Variants in ALB observed in about 807,000 individuals in gnomAD.
The protein encoded by ALB is albumin.
In ALB, 37 loss-of-function variants were observed where a neutral mutation model predicts 74.5. The observed-to-expected ratio is 0.50, with a 90% CI of 0.38 to 0.65. The LOEUF (loss-of-function observed/expected upper bound fraction) is 0.65. Among genes scored for constraint, ALB ranks in the 30% least tolerant of loss-of-function variants. The pLI is 0.00. For synonymous variants in ALB, 249 were observed against 251.6 expected (o/e 0.99, Z 0.10); for missense variants, 685 against 718.7 (o/e 0.95, Z 0.54).
At chr4:73,419,778 C>T in intron 13 of ALB, 139 bp downstream of exon 13, 1 of 1,100,264 alleles carries the variant, frequency 9.1e-7, no homozygotes, top group Non-Finnish European at 1.3e-6. Context: ...AATTGTCTTA[C>T]AAAATGAATA....
At chr4:73,419,780 A>C in intron 13 of ALB, 141 bp downstream of exon 13, 2 of 1,084,098 alleles carry the variant, frequency 1.8e-6, no homozygotes, top group Non-Finnish European at 2.7e-6. Flanking sequence ...TTGTCTTACA[A>C]AATGAATAAA....
chr4:73,415,009 G>A, intron 8 of ALB, 26 bp from the exon 9 acceptor site: 2 of 1,612,650 alleles, frequency 1.2e-6, no homozygotes, highest in Non-Finnish European at 1.7e-6. Flanking sequence ...GTCCAACAAA[G>A]TCTATTTTAT....
At chr4:73,404,598 A>T (rs1424655550) in intron 1 of ALB, among the ~76,000 whole-genome samples, 192 bp downstream of exon 1, 1 of 151,914 alleles carries the variant, frequency 6.6e-6, no homozygotes, top group East Asian at 1.9e-4. Context: ...AAAAAAAAAA[A>T]GGTCAGAATT....
At chr4:73,405,276 C>A in intron 2 of ALB, 103 bp downstream of exon 2, 1 of 1,011,450 alleles carries the variant, frequency 9.9e-7, no homozygotes, top group Non-Finnish European at 1.5e-6. Flanking sequence ...GATTCTAAAA[C>A]AGTGCTGCCT....
intron 6 of ALB, among the ~76,000 whole-genome samples, chr4:73,411,391 G>C (rs981931442): frequency 2.0e-5 from 3 of 152,164 alleles, no homozygotes; most frequent in African/African-American, 7.2e-5. Flanking sequence ...AGAGTTTGAA[G>C]ATAGTGCTGG....
chr4:73,417,775 ATGTTTGTG>A, intron 11 of ALB, 106 bp downstream of exon 11: 2 of 1,089,998 alleles, frequency 1.8e-6, no homozygotes, highest in Non-Finnish European at 2.6e-6. Context: ...GTGTGTGTGC[ATGTTTGTG>A]TGCATGTGTG....
intron 12 of ALB, chr4:73,419,292 A>G (rs2149329925): frequency 3.5e-6 from 2 of 567,516 alleles, no homozygotes; most frequent in Middle Eastern, 9.5e-4. Flanking sequence ...TGGTCTTCCC[A>G]CCAACTCCAT....
chr4:73,414,249 C>G (rs913591432), intron 8 of ALB, among the ~76,000 whole-genome samples: 2 of 152,106 alleles, frequency 1.3e-5, no homozygotes, highest in African/African-American at 2.4e-5. Context: ...ATTATGTACC[C>G]TACAAGATTT....
In ALB at chr4:73,418,970, A is replaced by G. The variant is rs374417856; in HGVS notation, c.1653-537A>G. On this transcript the variant is annotated intron_variant, in intron 12 of 14. Transcript: ENST00000295897. ...CAGTGAAAGAGAACCAGCAGCTCCC[A>G]TGAGTTTGGATAGCCTTATTTTCTA... 2.6e-4 allele frequency among the ~76,000 whole-genome samples: 40 copies of G among 152,264 alleles called. 1 individual carries two copies. In the East Asian group the frequency reaches 6.2e-3, roughly 23 times the overall value.
At position 73,417,594 on chromosome 4, in the gene ALB, A is replaced by AAGAAACCT; in HGVS notation, c.1356_1363dup (p.Gly455GlufsTer3). Reference sequence around the variant, plus strand: ...CAACTCCAACTCTTGTAGAGGTCTCAAGAAACCTAGGAAAAGTGGGCAGCA... The same window carrying AAGAAACCT: ...CAACTCCAACTCTTGTAGAGGTCTCAAGAAACCTAGAAACCTAGGAAAAGTGGGCAGCA... On this transcript the variant is annotated frameshift_variant, in exon 11 of 15. Coordinates refer to ENST00000295897, the MANE Select transcript of ALB (RefSeq NM_000477.7). LOFTEE classifies it high-confidence loss of function. 6.2e-7 allele frequency: 1 copy of AAGAAACCT among 1,613,478 alleles called. No individual in the cohort carries two copies. Among genetic ancestry groups the AAGAAACCT allele is most frequent in the Non-Finnish European group, 8.5e-7 (1 of 1,179,444 alleles).
In ALB at chr4:73,418,288, G is replaced by C. The variant is rs2149329665; in HGVS notation, c.1629G>C (p.Lys543Asn). The stretch of plus-strand genomic sequence containing the variant: ...CAGATATATGCACACTTTCTGAGAA[G>C]GAGAGACAAATCAAGAAACAAACGT... ...FHADICTLSE[K>N]ERQIKKQTAL... Residue 543 changes from lysine (K) to asparagine (N), a missense_variant, in exon 12 of 15, where the codon AAG (lysine) becomes AAC (asparagine). By Grantham distance (94) the Lys-to-Asn change is moderately conservative (BLOSUM62 0). Coordinates refer to ENST00000295897, the MANE Select transcript of ALB (RefSeq NM_000477.7). The C allele has an allele frequency of 6.2e-7, 1 of 1,613,784 alleles. No individual in the cohort carries two copies. Among genetic ancestry groups the C allele is most frequent in the Non-Finnish European group, 8.5e-7 (1 of 1,179,876 alleles).
intron 3 of ALB, 22 bp from the exon 4 acceptor site, chr4:73,408,572 A>C (rs1164669495): frequency 6.2e-7 from 1 of 1,609,460 alleles, no homozygotes; most frequent in Non-Finnish European, 8.5e-7. Context: ...CCAGCAACTG[A>C]AACCTGCTTT....
At position 73,408,736 on chromosome 4, in the gene ALB, G is replaced by A. The variant is rs748640859; in HGVS notation, c.413G>A (p.Arg138Gln). 7 of 1,613,890 alleles carry A rather than the reference G, an allele frequency of 4.3e-6. No homozygotes were observed. Among genetic ancestry groups the A allele is most frequent in the African/African-American group, 1.3e-5 (1 of 74,912 alleles). ...QHKDDNPNLP[R>Q]LVRPEVDVMC... ...AAAGATGACAACCCAAACCTCCCCC[G>A]ATTGGTGAGACCAGAGGTTGATGTG... The change falls in exon 4 of 15, where the codon CGA (arginine) becomes CAA (glutamine). Residue 138 changes from arginine (R) to glutamine (Q), a missense_variant. Arg to Gln is a conservative substitution (Grantham distance 43). Transcript: ENST00000295897.
Position 73,419,490 on chromosome 4 carries a change from T to C in ALB, c.1653-17T>C. 3 of 1,608,206 alleles carry C rather than the reference T, an allele frequency of 1.9e-6. No individual in the cohort carries two copies. The highest frequency in any genetic ancestry group is 2.5e-6 in the Non-Finnish European group (3 of 1,178,114). The stretch of plus-strand genomic sequence containing the variant: ...GTTTTTTCTGTTTTTTTTTTTTCTT[T>C]TTCCATTCAAACTCAGTGCACTTGT... On this transcript the variant is annotated splice_polypyrimidine_tract_variant and intron_variant, in intron 12 of 14. Coordinates refer to ENST00000295897, the MANE Select transcript of ALB (RefSeq NM_000477.7).
At chr4:73,419,109 A>G (rs1442541642) in intron 12 of ALB, among the ~76,000 whole-genome samples, 2 of 152,152 alleles carry the variant, frequency 1.3e-5, no homozygotes, top group Non-Finnish European at 2.9e-5. Flanking sequence ...TTAAATTTTT[A>G]AGGATCATTT....
In ALB at chr4:73,413,459, A is replaced by G. The variant is rs774867080; in HGVS notation, c.883A>G (p.Ile295Val). ...GTATATCTGTGAAAATCAAGATTCG[A>G]TCTCCAGTAAACTGAAGGAATGCTG... ...AKYICENQDSISSKLKECCEK... is the reference protein window; with the variant it reads ...AKYICENQDSVSSKLKECCEK... Residue 295 changes from isoleucine to valine, a missense_variant, in exon 8 of 15, where the codon ATC (isoleucine) becomes GTC (valine). Transcript: ENST00000295897. 14 of 1,614,062 alleles carry G rather than the reference A, an allele frequency of 8.7e-6. No individual in the cohort carries two copies. The highest frequency in any genetic ancestry group is 1.2e-5 in the Non-Finnish European group (14 of 1,180,038).
intron 2 of ALB, among the ~76,000 whole-genome samples, chr4:73,406,225 C>G (rs1205308650): frequency 6.6e-6 from 1 of 152,198 alleles, no homozygotes; most frequent in African/African-American, 2.4e-5. Flanking sequence ...TGCCACTGCA[C>G]TCCAGCCTGG....
intron 3 of ALB, among the ~76,000 whole-genome samples, 192 bp from the exon 4 acceptor site, chr4:73,408,402 G>A (rs977243827): frequency 6.6e-6 from 1 of 152,174 alleles, no homozygotes; most frequent in African/African-American, 2.4e-5. Flanking sequence ...TAGTGTGACA[G>A]TTAATTCTTA....
At chr4:73,404,997 C>T (rs1040293438) in intron 1 of ALB, 119 bp from the exon 2 acceptor site, 1 of 908,628 alleles carries the variant, frequency 1.1e-6, no homozygotes, top group Non-Finnish European at 1.8e-6. Flanking sequence ...GGAATCAGAG[C>T]CCAATATTTT....
Sources: allele counts gnomAD v4.1 joint callset (sites outside exome capture counted in the v4.1 genomes callset), GRCh38; gene constraint gnomAD v4.1.1; transcripts MANE v1.5; gene names NCBI Gene and HGNC (gene_info 2026-07-23, HGNC 2026-07-21).